Variants in KAT14 observed in about 807,000 individuals in gnomAD.
KAT14 encodes lysine acetyltransferase 14.
In KAT14, 66 loss-of-function variants were observed where a neutral mutation model predicts 78.4. That is an observed-to-expected ratio of 0.84 (90% CI 0.69 to 1.03). The LOEUF (loss-of-function observed/expected upper bound fraction) is 1.03. Among genes scored for constraint, KAT14 ranks in the 50% least tolerant of loss-of-function variants. The pLI is 0.00. For synonymous variants in KAT14, 344 were observed against 359.4 expected, an observed-to-expected ratio of 0.96 and a Z score of 0.48; for missense variants, 870 against 972.5, an observed-to-expected ratio of 0.89 and a Z score of 1.40.
At position 18,183,171 on chromosome 20, in the gene KAT14, T is replaced by G; in HGVS notation, c.1854T>G (p.Ile618Met). Residue 618 changes from isoleucine (I) to methionine (M), a missense_variant, in exon 9 of 11, where the codon ATT becomes ATG. Physicochemically the swap from Ile to Met is conservative, Grantham distance 10 (BLOSUM62 1). Transcript: ENST00000688188. ...CCAAACTGCAGCTCCTGTCACAGAT[T>G]CGTTCCCACCTGCACAGGAGCGACC... Reference protein sequence around the residue: ...KPPKLQLLSQIRSHLHRSDPH... With the variant: ...KPPKLQLLSQMRSHLHRSDPH... 1 of 1,613,704 alleles carries G rather than the reference T, an allele frequency of 6.2e-7. No homozygotes were observed. Among genetic ancestry groups the G allele is most frequent in the Non-Finnish European group, 8.5e-7 (1 of 1,179,854 alleles).
At chr20:18,169,361 A>G (rs2079173330) in intron 7 of KAT14, among the ~76,000 whole-genome samples, 1 of 151,676 alleles carries the variant, frequency 6.6e-6, no homozygotes, top group South Asian at 2.1e-4. Flanking sequence ...TGTTGGCACC[A>G]TTTTTCTAGT....
At chr20:18,176,300 CAAAAA>C (rs11484238) in intron 7 of KAT14, among the ~76,000 whole-genome samples, 3 of 111,664 alleles carry the variant, frequency 2.7e-5, no homozygotes, top group Non-Finnish European at 3.5e-5. Flanking sequence ...GACTTCGTCT[CAAAAA>C]AAAAAAAAAA....
chr20:18,137,155 C>A (rs2037334670), upstream of KAT14, among the ~76,000 whole-genome samples: 1 of 152,090 alleles, frequency 6.6e-6, no homozygotes, highest in Admixed American at 6.5e-5. Context: ...TACATGGGGC[C>A]AGGCGCGGTG....
intron 7 of KAT14, among the ~76,000 whole-genome samples, chr20:18,165,521 C>T (rs771021929): frequency 1.8e-4 from 27 of 152,188 alleles, no homozygotes; most frequent in Non-Finnish European, 2.5e-4. Flanking sequence ...GAGAGCATAG[C>T]CCTGCCCACA....
At chr20:18,182,442 A>C (rs918233501) in intron 8 of KAT14, among the ~76,000 whole-genome samples, 9 of 152,182 alleles carry the variant, frequency 5.9e-5, no homozygotes, top group African/African-American at 2.2e-4. Flanking sequence ...TATTTTAAAT[A>C]CTAAAGTTGT....
Position 18,181,722 on chromosome 20 carries a change from T to C in KAT14, c.1681T>C (p.Ser561Pro), listed in dbSNP as rs1417885839. 2 of 1,614,196 alleles carry C rather than the reference T, an allele frequency of 1.2e-6. No individual in the cohort carries two copies. The highest frequency in any genetic ancestry group is 2.2e-5 in the South Asian group (2 of 91,080). Residue 561 changes from serine to proline, a missense_variant, in exon 8 of 11, where the codon TCC becomes CCC. Coordinates refer to ENST00000688188, the MANE Select transcript of KAT14 (RefSeq NM_001392073.1). ...ILDRYQTSLP[S>P]RKGFRHQTTK... Reference sequence around the variant, plus strand: ...TTCTTTCTCATAGACTTCCTTGCCGTCCAGGAAGGGATTTCGACACCAGAC... The same window carrying C: ...TTCTTTCTCATAGACTTCCTTGCCGCCCAGGAAGGGATTTCGACACCAGAC...
intron 1 of KAT14, 96 bp from the exon 2 acceptor site, chr20:18,142,112 G>C: frequency 6.4e-6 from 8 of 1,254,966 alleles, no homozygotes; most frequent in Non-Finnish European, 8.5e-6. Context: ...AAAGTTTTAA[G>C]TATATTTTGG....
At chr20:18,175,105 G>C (rs572172569) in intron 7 of KAT14, among the ~76,000 whole-genome samples, 20 of 151,666 alleles carry the variant, frequency 1.3e-4, no homozygotes, top group African/African-American at 2.2e-4. Context: ...TTTTGACCCT[G>C]TCAGCAAGTT....
intron 1 of KAT14, chr20:18,138,318 G>C (rs908763540): frequency 8.6e-6 from 10 of 1,163,520 alleles, no homozygotes; most frequent in Non-Finnish European, 1.1e-5. Flanking sequence ...CGCGCTGAAG[G>C]GGCCTTGCTC....
chr20:18,153,397 A>G (rs1230279485), intron 4 of KAT14, among the ~76,000 whole-genome samples: 2 of 152,210 alleles, frequency 1.3e-5, no homozygotes, highest in Non-Finnish European at 2.9e-5. Context: ...GTTTAGTTTA[A>G]TGATTTAGCA....
At chr20:18,173,150 T>A (rs959935703) in intron 7 of KAT14, among the ~76,000 whole-genome samples, 1 of 152,234 alleles carries the variant, frequency 6.6e-6, no homozygotes, top group African/African-American at 2.4e-5. Flanking sequence ...CCTTTTCCCC[T>A]CCTCCATCTG....
intron 1 of KAT14, among the ~76,000 whole-genome samples, chr20:18,139,633 C>CTGTGTGT (rs1226297921): frequency 2.8e-5 from 4 of 141,634 alleles, no homozygotes; most frequent in Non-Finnish European, 6.1e-5. Flanking sequence ...ACCAAAATAA[C>CTGTGTGT]GTGTGTGTGT....
rs781177232 is a variant in KAT14, at chr20:18,162,881, T to A, written c.1604T>A (p.Leu535His). 6.2e-7 allele frequency: 1 copy of A among 1,614,196 alleles called. No homozygotes were observed. The highest frequency in any genetic ancestry group is 8.5e-7 in the Non-Finnish European group (1 of 1,180,030). ...GCCAAAGAAGGAGGAATTTCCAGAC[T>A]TCCAGCTGGACAAGCCACGTACAGA... The part of the protein sequence containing the change: ...YGAKEGGISR[L>H]PAGQATYRTT... The change falls in exon 7 of 11, where the codon CTT (leucine) becomes CAT (histidine). Residue 535 changes from leucine to histidine, a missense_variant. Coordinates refer to ENST00000688188, the MANE Select transcript of KAT14 (RefSeq NM_001392073.1).
At chr20:18,167,642 A>G (rs796312244) in intron 7 of KAT14, among the ~76,000 whole-genome samples, 4 of 152,006 alleles carry the variant, frequency 2.6e-5, no homozygotes, top group African/African-American at 9.6e-5. Flanking sequence ...TTTTCTCATT[A>G]TTTCCTCTTT....
Position 18,159,212 on chromosome 20 carries a change from C to T in KAT14, c.629C>T (p.Pro210Leu). 1 of 1,614,032 alleles carries T rather than the reference C, an allele frequency of 6.2e-7. No individual in the cohort carries two copies. The highest frequency in any genetic ancestry group is 8.5e-7 in the Non-Finnish European group (1 of 1,179,996). ...GWWKLVHNKP[P>L]TMKPEGEKLS... ...TGGAAACTTGTTCATAACAAGCCCC[C>T]AACGATGAAACCTGAAGGAGAGAAG... The change falls in exon 5 of 11, where the codon CCA becomes CTA. Residue 210 changes from proline to leucine, a missense_variant. Transcript: ENST00000688188.
At chr20:18,158,232 A>G (rs2038291883) in intron 4 of KAT14, among the ~76,000 whole-genome samples, 1 of 152,206 alleles carries the variant, frequency 6.6e-6, no homozygotes, top group African/African-American at 2.4e-5. Flanking sequence ...CACCGCACCC[A>G]GCCTCAGATA....
At position 18,184,714 on chromosome 20, in the gene KAT14, T is replaced by C. The variant is rs2039396406; in HGVS notation, c.2094T>C (p.Ala698=). ...TTCCTGATGTGAAATACAATGAAGC[T>C]TACATTTCATTTCTGTTCGTCCACC... ...FMVPDVKYNE[A]YISFLFVHPE... is the part of the protein sequence containing the mutation. The change falls in exon 10 of 11, where the codon GCT becomes GCC. Residue 698 remains alanine, a synonymous_variant. Transcript: ENST00000688188. 1.2e-6 allele frequency: 2 copies of C among 1,613,732 alleles called. No individual in the cohort carries two copies. Among genetic ancestry groups the C allele is most frequent in the Non-Finnish European group, 1.7e-6 (2 of 1,179,930 alleles).
intron 4 of KAT14, among the ~76,000 whole-genome samples, chr20:18,152,508 C>T (rs1600221476): frequency 6.6e-6 from 1 of 152,224 alleles, no homozygotes; most frequent in African/African-American, 2.4e-5. Context: ...ACCTGGGAGG[C>T]GGAGGTTACA....
intron 3 of KAT14, among the ~76,000 whole-genome samples, chr20:18,147,856 G>A (rs1014214669): frequency 1.3e-5 from 2 of 152,358 alleles, no homozygotes; most frequent in African/African-American, 4.8e-5. Flanking sequence ...AAAGTGCTGG[G>A]ATTACAGGCG....
Sources: gnomAD v4.1 joint callset for allele counts (sites outside exome capture counted in the v4.1 genomes callset) on GRCh38, gnomAD v4.1.1 for gene constraint, MANE v1.5 for transcripts, NCBI Gene and HGNC (gene_info 2026-07-23, HGNC 2026-07-21) for gene names.